SPOCK3: variants seen among roughly 807,000 people sequenced by gnomAD.
The protein encoded by SPOCK3 is testican-3.
A neutral mutation model predicts 56.6 loss-of-function variants in SPOCK3; 30 were observed. The observed-to-expected ratio is 0.53, with a 90% CI of 0.40 to 0.72. The LOEUF (loss-of-function observed/expected upper bound fraction) is 0.72, where lower values mean the gene tolerates loss of function less well. Ranked by LOEUF, SPOCK3 falls within the 30% of genes least tolerant of loss-of-function variation. The probability of loss-of-function intolerance (pLI) is 0.00; values close to 1 mark genes in which losing one functional copy is unlikely to be tolerated. For missense variants in SPOCK3, 527 were observed against 530.0 expected (o/e 0.99, Z 0.06); for synonymous variants, 196 against 183.3 (o/e 1.07, Z -0.56).
intron 7 of SPOCK3, among the ~76,000 whole-genome samples, chr4:166,780,369 A>G (rs1427500455): frequency 6.6e-6 from 1 of 152,164 alleles, no homozygotes; most frequent in Non-Finnish European, 1.5e-5. Flanking sequence ...AAGAATTCAT[A>G]AACATTGACA....
chr4:167,056,813 C>G (rs1223332649), intron 3 of SPOCK3, among the ~76,000 whole-genome samples: 3 of 152,170 alleles, frequency 2.0e-5, no homozygotes, highest in Non-Finnish European at 2.9e-5. Flanking sequence ...CGCCTGATTG[C>G]TGTACCTAAA....
chr4:166,851,067 T>A (rs962563600), intron 6 of SPOCK3, among the ~76,000 whole-genome samples: 1 of 152,218 alleles, frequency 6.6e-6, no homozygotes, highest in Admixed American at 6.5e-5. Flanking sequence ...TAAATGTCCC[T>A]GTCTGACAGC....
intron 10 of SPOCK3, among the ~76,000 whole-genome samples, chr4:166,736,808 T>C (rs1243325877): frequency 6.6e-6 from 1 of 152,042 alleles, no homozygotes. Context: ...GAAAAATGTT[T>C]TATGAAGTAC....
At chr4:167,047,954 G>A (rs568580954) in intron 3 of SPOCK3, among the ~76,000 whole-genome samples, 1 of 152,280 alleles carries the variant, frequency 6.6e-6, no homozygotes, top group East Asian at 1.9e-4. Flanking sequence ...GCTGAGCCAG[G>A]AGAATTAATT....
At chr4:166,849,641 C>G (rs1466190427) in intron 6 of SPOCK3, among the ~76,000 whole-genome samples, 1 of 152,078 alleles carries the variant, frequency 6.6e-6, no homozygotes, top group Non-Finnish European at 1.5e-5. Context: ...ATTTTTTATG[C>G]ACACATTTCT....
intron 3 of SPOCK3, among the ~76,000 whole-genome samples, chr4:167,045,429 T>C (rs1395822104): frequency 6.6e-6 from 1 of 152,134 alleles, no homozygotes; most frequent in African/African-American, 2.4e-5. Flanking sequence ...ACCATATGTC[T>C]TACTGTTTTC....
At chr4:167,001,264 T>C (rs150954289) in intron 3 of SPOCK3, among the ~76,000 whole-genome samples, 1,884 of 152,250 alleles carry the variant, frequency 0.012, 18 homozygotes, top group Non-Finnish European at 0.019. Flanking sequence ...TATCGTCTTG[T>C]TATCATTATC....
intron 6 of SPOCK3, among the ~76,000 whole-genome samples, chr4:166,865,583 C>T (rs1273862763): frequency 6.6e-6 from 1 of 152,160 alleles, no homozygotes; most frequent in Non-Finnish European, 1.5e-5. Context: ...TCAGCAAAGT[C>T]TCAGGATAGA....
intron 9 of SPOCK3, among the ~76,000 whole-genome samples, chr4:166,741,137 C>T (rs971541143): frequency 4.6e-5 from 7 of 151,940 alleles, no homozygotes; most frequent in Non-Finnish European, 7.4e-5. Flanking sequence ...TGTTAATATC[C>T]GTGAAAAGAA....
At chr4:167,205,188 TTTTATATCTATAA>T (rs1733937239) in intron 2 of SPOCK3, among the ~76,000 whole-genome samples, 6 of 105,640 alleles carry the variant, frequency 5.7e-5, no homozygotes, top group African/African-American at 2.2e-4. Context: ...ATTATAGATA[TTTTATATCTATAA>T]TATATATTAT....
intron 2 of SPOCK3, among the ~76,000 whole-genome samples, chr4:167,196,527 T>C (rs1241498800): frequency 2.6e-5 from 4 of 152,026 alleles, no homozygotes; most frequent in Non-Finnish European, 4.4e-5. Context: ...CTTTTTTTTT[T>C]ACATTTAGAG....
intron 2 of SPOCK3, among the ~76,000 whole-genome samples, chr4:167,208,085 A>G (rs1734527261): frequency 6.6e-6 from 1 of 152,044 alleles, no homozygotes; most frequent in Admixed American, 6.6e-5. Context: ...TATTTGGCAA[A>G]CACTTTCTCA....
intron 2 of SPOCK3, among the ~76,000 whole-genome samples, chr4:167,203,569 AG>A (rs1440114882): frequency 1.5e-4 from 23 of 151,374 alleles, no homozygotes; most frequent in African/African-American, 5.1e-4. Context: ...AAAAAAAAAA[AG>A]ACAGAAAAGA....
chr4:166,746,746 T>C (rs1489689057), intron 8 of SPOCK3, among the ~76,000 whole-genome samples: 1 of 151,688 alleles, frequency 6.6e-6, no homozygotes, highest in African/African-American at 2.4e-5. Context: ...GCAAGATTAA[T>C]AAAGAAGAAA....
At chr4:167,207,138 A>G (rs982422334) in intron 2 of SPOCK3, among the ~76,000 whole-genome samples, 3 of 152,238 alleles carry the variant, frequency 2.0e-5, no homozygotes, top group South Asian at 2.1e-4. Context: ...GATTTTGTCT[A>G]TAAGTTGTTT....
intron 3 of SPOCK3, among the ~76,000 whole-genome samples, chr4:167,034,816 T>C (rs1203773601): frequency 2.0e-5 from 3 of 152,166 alleles, no homozygotes; most frequent in Non-Finnish European, 4.4e-5. Flanking sequence ...TAATGTACTG[T>C]TCAGGGTGAA....
In SPOCK3 at chr4:167,234,071, C is replaced by G. The variant is rs550868073; in HGVS notation, c.103G>C (p.Gly35Arg). 2.5e-6 allele frequency: 4 copies of G among 1,613,934 alleles called. No individual in the cohort carries two copies. Among genetic ancestry groups the G allele is most frequent in the East Asian group, 2.2e-5 (1 of 44,828 alleles). The change falls in exon 2 of 11, where the codon GGC (glycine) becomes CGC (arginine). Residue 35 changes from glycine to arginine, a missense_variant. Physicochemically the swap from Gly to Arg is moderately radical, Grantham distance 125. Transcript: ENST00000357545. The stretch of plus-strand genomic sequence containing the variant: ...TGTTTATCATCCAGAAAATTACCGC[C>G]GTCCGACCGCCCCCCGGCTGCAGCC... ...AVAAAGGRSD[G>R]GNFLDDKQWL...
At chr4:166,905,154 AC>A in intron 5 of SPOCK3, among the ~76,000 whole-genome samples, 1 of 152,182 alleles carries the variant, frequency 6.6e-6, no homozygotes, top group South Asian at 2.1e-4. Context: ...ATATTATTAT[AC>A]AGTTATTTTA....
intron 3 of SPOCK3, among the ~76,000 whole-genome samples, chr4:167,026,820 GT>G (rs529088799): frequency 0.086 from 11,370 of 132,492 alleles, 1,101 homozygotes; most frequent in African/African-American, 0.27. Context: ...GGCATTTGAA[GT>G]TTTTTTTTTT....
Sources: gnomAD v4.1 joint callset for allele counts (sites outside exome capture counted in the v4.1 genomes callset) on GRCh38, gnomAD v4.1.1 for gene constraint, MANE v1.5 for transcripts, NCBI Gene and HGNC (gene_info 2026-07-23, HGNC 2026-07-21) for gene names.